Variants in PTPRZ1 observed in about 807,000 individuals in gnomAD.
PTPRZ1 encodes receptor-type tyrosine-protein phosphatase zeta.
Under a neutral mutation model 214.1 loss-of-function variants are expected in PTPRZ1, and 82 were observed. That is an observed-to-expected ratio of 0.38 (90% confidence interval 0.32 to 0.46). The LOEUF is 0.46. Ranked by LOEUF, PTPRZ1 falls within the 20% of genes least tolerant of loss-of-function variation. The probability of loss-of-function intolerance (pLI) is 1.00; values close to 1 mark genes in which losing one functional copy is unlikely to be tolerated. For missense variants in PTPRZ1, 2,603 were observed against 2,748.7 expected (o/e 0.95, Z 1.19); for synonymous variants, 945 against 987.9 (o/e 0.96, Z 0.81).
At chr7:121,894,356 T>C (rs1429740331) in intron 1 of PTPRZ1, among the ~76,000 whole-genome samples, 29 of 152,210 alleles carry the variant, frequency 1.9e-4, no homozygotes, top group Admixed American at 1.9e-3. Context: ...TTATTATTGT[T>C]TCCATTTCTT....
At chr7:121,947,549 A>C (rs1796421892) in intron 2 of PTPRZ1, among the ~76,000 whole-genome samples, 1 of 152,242 alleles carries the variant, frequency 6.6e-6, no homozygotes, top group South Asian at 2.1e-4. Context: ...TAAATCAATT[A>C]GTAATTCTAT....
rs1354460689 is a variant in PTPRZ1 at position 121,934,012 on chromosome 7, G to A, written c.124+5791G>A. Among the ~76,000 whole-genome samples, 4 of 152,032 alleles carry A rather than the reference G, an allele frequency of 2.6e-5. No homozygotes were observed. In the East Asian group the frequency reaches 5.8e-4, roughly 22 times the overall value. On this transcript the variant is annotated intron_variant, in intron 2 of 29. Transcript: ENST00000393386. Reference sequence around the variant, plus strand: ...TTATCTCATTTCTGTTAAAAAATATGTATTTATATGGACATAGATGAAAGG... The same window carrying A: ...TTATCTCATTTCTGTTAAAAAATATATATTTATATGGACATAGATGAAAGG...
At chr7:121,931,631 A>C (rs1174010986) in intron 2 of PTPRZ1, among the ~76,000 whole-genome samples, 3 of 152,114 alleles carry the variant, frequency 2.0e-5, no homozygotes, top group African/African-American at 4.8e-5. Flanking sequence ...AGGAGAAGAC[A>C]ACAGTTTTAC....
rs747155280 is a variant in PTPRZ1 at position 122,054,028 on chromosome 7, G to A, written c.6371G>A (p.Gly2124Asp). ...CAACTGGTGGTTATGATTCCTGATG[G>A]CCAAAACATGGTAAGTCCCTTAGAC... Reference protein sequence around the residue: ...NAQLVVMIPDGQNMAEDEFVY... With the variant: ...NAQLVVMIPDDQNMAEDEFVY... The change falls in exon 26 of 30, where the codon GGC becomes GAC. Residue 2124 changes from glycine to aspartate, a missense_variant. By Grantham distance (94) the Gly-to-Asp change is moderately conservative. This residue lies in a region of PTPRZ1 where 134 missense variants were observed against 183.3 expected (regional missense o/e 0.73). Transcript: ENST00000393386. 1 of 1,612,786 alleles carries A rather than the reference G, an allele frequency of 6.2e-7. No homozygotes were observed. Among genetic ancestry groups the A allele is most frequent in the Middle Eastern group, 1.7e-4 (1 of 6,048 alleles).
intron 1 of PTPRZ1, among the ~76,000 whole-genome samples, chr7:121,916,628 T>A (rs1208825637): frequency 1.3e-5 from 2 of 152,252 alleles, no homozygotes; most frequent in East Asian, 3.8e-4. Flanking sequence ...TTTTAAATGT[T>A]GTTCCTCTGA....
chr7:122,059,011 T>C, intron 28 of PTPRZ1, 69 bp downstream of exon 28: 1 of 1,413,526 alleles, frequency 7.1e-7, no homozygotes, highest in Non-Finnish European at 9.6e-7. Flanking sequence ...TCTGTTGTCT[T>C]CAGACAAACC....
At chr7:122,033,147 ATC>A (rs1562873572) in intron 15 of PTPRZ1, among the ~76,000 whole-genome samples, 1 of 152,020 alleles carries the variant, frequency 6.6e-6, no homozygotes, top group African/African-American at 2.4e-5. Context: ...TCTTAATTCT[ATC>A]TCTTTTAACT....
intron 8 of PTPRZ1, among the ~76,000 whole-genome samples, chr7:121,985,100 A>G (rs1401988055): frequency 5.3e-5 from 8 of 152,168 alleles, no homozygotes. Flanking sequence ...ATTTCCAAGA[A>G]TCGTTTATCC....
chr7:121,983,652 T>C lies in PTPRZ1; in HGVS notation c.620-13T>C. ...TTGAGATTCCAGCTGAGATGTATATTATTCCTTTTTAGGGAAGCAGGCTGC... is the reference window on the plus strand; with the variant it reads ...TTGAGATTCCAGCTGAGATGTATATCATTCCTTTTTAGGGAAGCAGGCTGC... On this transcript the variant is annotated splice_polypyrimidine_tract_variant and intron_variant, in intron 6 of 29. Transcript: ENST00000393386. The C allele has an allele frequency of 6.2e-7, 1 of 1,604,632 alleles. No homozygotes were observed. The highest frequency in any genetic ancestry group is 8.5e-7 in the Non-Finnish European group (1 of 1,175,544).
intron 22 of PTPRZ1, 91 bp downstream of exon 22, chr7:122,042,834 A>G: frequency 1.5e-6 from 2 of 1,355,802 alleles, no homozygotes; most frequent in Non-Finnish European, 2.1e-6. Context: ...CTGCAAAACA[A>G]AGTAATACAA....
At chr7:122,010,205 C>A in intron 11 of PTPRZ1, 129 bp from the exon 12 acceptor site, 1 of 861,546 alleles carries the variant, frequency 1.2e-6, no homozygotes, top group Non-Finnish European at 1.8e-6. Flanking sequence ...ATGCATTGTA[C>A]AGAATGGTGT....
Position 122,013,720 on chromosome 7 carries a change from C to T in PTPRZ1, c.4674C>T (p.Ser1558=), listed in dbSNP as rs752889735. 10 of 1,614,182 alleles carry T rather than the reference C, an allele frequency of 6.2e-6. No homozygotes were observed. Among genetic ancestry groups the T allele is most frequent in the Non-Finnish European group, 7.6e-6 (9 of 1,180,020 alleles). The change falls in exon 12 of 30, where the codon AGC becomes AGT. Residue 1558 remains serine (S), a synonymous_variant. Coordinates refer to ENST00000393386, the MANE Select transcript of PTPRZ1 (RefSeq NM_002851.3). ...GATCAGGGCAAGGTACCTCAGATAG[C>T]CTTAATGAGAATGAGACTTCCACAG... ...ESGSGQGTSD[S]LNENETSTDF...
At chr7:121,910,399 A>G (rs543365656) in intron 1 of PTPRZ1, among the ~76,000 whole-genome samples, 145 of 151,978 alleles carry the variant, frequency 9.5e-4, no homozygotes, top group Non-Finnish European at 1.7e-3. Context: ...TTAACTTTCT[A>G]TCTCCCCTTG....
chr7:122,028,451 G>C, intron 13 of PTPRZ1, 101 bp from the exon 14 acceptor site: 5 of 836,644 alleles, frequency 6.0e-6, no homozygotes, highest in Non-Finnish European at 9.6e-6. Flanking sequence ...ACCTGCTTTT[G>C]TTTTAATTCT....
chr7:121,887,868 C>T (rs1383009586), intron 1 of PTPRZ1, among the ~76,000 whole-genome samples: 2 of 151,992 alleles, frequency 1.3e-5, no homozygotes, highest in Non-Finnish European at 2.9e-5. Flanking sequence ...ACCTCTTCAT[C>T]CCCCCAACAC....
rs1024005658 is a variant in PTPRZ1, at chr7:122,013,968, T to C, written c.4843+79T>C. On this transcript the variant is annotated intron_variant, in intron 12 of 29. Transcript: ENST00000393386. ...AAGTAAAATGAAAATTATAGAAAGA[T>C]AGAAATTTGGTAAAATGGTACATCA... The C allele has an allele frequency of 1.2e-5, 15 of 1,278,388 alleles. No individual in the cohort carries two copies. The East Asian group carries it at 1.7e-4, about 15-fold the overall frequency. The allele number at this position is 1,278,388 out of a possible 1,614,324, so 79.2% of individuals were successfully genotyped here.
chr7:121,949,724 G>C (rs1368849020), intron 2 of PTPRZ1, among the ~76,000 whole-genome samples: 1 of 152,122 alleles, frequency 6.6e-6, no homozygotes, highest in African/African-American at 2.4e-5. Flanking sequence ...TATTTATGGG[G>C]CCTTCATATG....
At chr7:122,058,704 G>C in intron 27 of PTPRZ1, 96 bp from the exon 28 acceptor site, 1 of 1,123,174 alleles carries the variant, frequency 8.9e-7, no homozygotes, top group Non-Finnish European at 1.3e-6. Flanking sequence ...CTGCCATTGG[G>C]TTTTATTACC....
chr7:121,876,802 T>A (rs1297305941), intron 1 of PTPRZ1, among the ~76,000 whole-genome samples: 2 of 152,250 alleles, frequency 1.3e-5, no homozygotes, highest in Non-Finnish European at 2.9e-5. Flanking sequence ...AATTCATTTC[T>A]ACTCTCATGT....
Sources: gnomAD v4.1 joint callset for allele counts (sites outside exome capture counted in the v4.1 genomes callset) on GRCh38, gnomAD v4.1.1 for gene constraint, gnomAD v4.1.1 regional missense constraint, MANE v1.5 for transcripts, NCBI Gene and HGNC (gene_info 2026-07-23, HGNC 2026-07-21) for gene names.